MARCHF1: variants seen among roughly 807,000 people sequenced by gnomAD.
MARCHF1 encodes the protein membrane associated ring-CH-type finger 1.
Under a neutral mutation model 54.2 loss-of-function variants are expected in MARCHF1, and 40 were observed. The observed-to-expected ratio is 0.74, with a 90% confidence interval of 0.57 to 0.96. The LOEUF is 0.96. MARCHF1 is among the 40% of genes least tolerant of loss of function. The probability of loss-of-function intolerance (pLI) is 0.00; values close to 1 mark genes in which losing one functional copy is unlikely to be tolerated. For missense variants in MARCHF1, 586 were observed against 656.5 expected (o/e 0.89, Z 1.17); for synonymous variants, 236 against 236.3 (o/e 1.00, Z 0.01).
chr4:163,803,298 T>C (rs1051148923), intron 4 of MARCHF1, among the ~76,000 whole-genome samples: 5 of 152,042 alleles, frequency 3.3e-5, no homozygotes, highest in African/African-American at 1.2e-4. Flanking sequence ...CTCAACCTCT[T>C]GAGTAGCTGG....
At chr4:164,054,001 G>C (rs1045697104) in intron 2 of MARCHF1, among the ~76,000 whole-genome samples, 5 of 151,868 alleles carry the variant, frequency 3.3e-5, no homozygotes, top group African/African-American at 1.2e-4. Context: ...TACAACATGG[G>C]AGAAAATTTT....
chr4:164,306,012 A>T (rs1579706108), intron 1 of MARCHF1, among the ~76,000 whole-genome samples: 1 of 152,160 alleles, frequency 6.6e-6, no homozygotes, highest in East Asian at 1.9e-4. Context: ...GTTGTCACTG[A>T]TTGTTACGAA....
chr4:164,044,528 A>G (rs2111027802), intron 2 of MARCHF1, among the ~76,000 whole-genome samples: 1 of 152,268 alleles, frequency 6.6e-6, no homozygotes, highest in Middle Eastern at 3.4e-3. Flanking sequence ...CCAATTCGAC[A>G]TGAGATTTGG....
intron 1 of MARCHF1, among the ~76,000 whole-genome samples, chr4:164,290,106 C>A (rs931608302): frequency 2.0e-5 from 3 of 151,800 alleles, no homozygotes; most frequent in African/African-American, 7.2e-5. Context: ...TAATAGCATT[C>A]AACATTGAGT....
chr4:163,602,589 C>T (rs946410018), intron 7 of MARCHF1, among the ~76,000 whole-genome samples: 2 of 152,050 alleles, frequency 1.3e-5, no homozygotes, highest in Non-Finnish European at 2.9e-5. Flanking sequence ...TTAAAATCAA[C>T]AGGAGAATGG....
rs945587835 is a variant in MARCHF1 at position 164,119,540 on chromosome 4, G to A, written c.-322-7878C>T. ...AAAGTAAAGATAACACAAAAATTGA[G>A]GTTAAAAATTTTAAAGATTAATAAT... is the stretch of plus-strand genomic sequence containing the variant. On this transcript the variant is annotated intron_variant, in intron 1 of 9. Transcript: ENST00000514618. 1.1e-4 allele frequency among the ~76,000 whole-genome samples: 17 copies of A among 151,246 alleles called. 1 individual carries two copies. The highest frequency in any genetic ancestry group is 1.8e-4 in the Non-Finnish European group (12 of 67,692).
At chr4:164,354,131 A>T (rs1215218296) in intron 1 of MARCHF1, among the ~76,000 whole-genome samples, 2 of 96,480 alleles carry the variant, frequency 2.1e-5, no homozygotes, top group African/African-American at 3.7e-5. Flanking sequence ...ATAGTTTACC[A>T]ACCAAAAAGA....
chr4:163,639,976 T>C (rs1742494947), intron 5 of MARCHF1, among the ~76,000 whole-genome samples: 1 of 152,130 alleles, frequency 6.6e-6, no homozygotes, highest in Non-Finnish European at 1.5e-5. Context: ...ATCCATGCCC[T>C]CATCTCACAG....
At chr4:164,145,014 C>T (rs1352536817) in intron 1 of MARCHF1, among the ~76,000 whole-genome samples, 1 of 132,976 alleles carries the variant, frequency 7.5e-6, no homozygotes, top group Admixed American at 7.9e-5. Context: ...CACAGAAATA[C>T]GAACTACCGT....
At chr4:164,026,131 T>C (rs1322316700) in intron 2 of MARCHF1, among the ~76,000 whole-genome samples, 2 of 152,022 alleles carry the variant, frequency 1.3e-5, no homozygotes, top group Non-Finnish European at 2.9e-5. Context: ...ACAAGATGGA[T>C]TCACAGCCAA....
intron 7 of MARCHF1, among the ~76,000 whole-genome samples, chr4:163,600,204 A>C (rs1740917535): frequency 1.3e-5 from 2 of 151,936 alleles, no homozygotes; most frequent in South Asian, 4.1e-4. Context: ...ATTTATACAC[A>C]CATATTTTAT....
At chr4:164,286,336 GCAT>G (rs967924071) in intron 1 of MARCHF1, among the ~76,000 whole-genome samples, 25 of 152,046 alleles carry the variant, frequency 1.6e-4, no homozygotes, top group African/African-American at 6.0e-4. Flanking sequence ...TCAATGAATT[GCAT>G]CATATTTTTA....
At chr4:164,045,927 A>G (rs1165534226) in intron 2 of MARCHF1, among the ~76,000 whole-genome samples, 1 of 152,202 alleles carries the variant, frequency 6.6e-6, no homozygotes, top group Non-Finnish European at 1.5e-5. Context: ...CCTGTTCTCA[A>G]GCAAATAAGT....
intron 2 of MARCHF1, among the ~76,000 whole-genome samples, chr4:164,071,997 T>G (rs755643628): frequency 1.3e-5 from 2 of 151,896 alleles, no homozygotes; most frequent in Non-Finnish European, 2.9e-5. Context: ...GCCAATAATA[T>G]GACTATGCAT....
chr4:163,562,013 C>T (rs1225687740), intron 8 of MARCHF1, among the ~76,000 whole-genome samples: 1 of 152,080 alleles, frequency 6.6e-6, no homozygotes, highest in Non-Finnish European at 1.5e-5. Flanking sequence ...AACAACACTC[C>T]AGGCCAGGAG....
At chr4:164,261,607 T>C (rs1479550013) in intron 1 of MARCHF1, among the ~76,000 whole-genome samples, 1 of 152,162 alleles carries the variant, frequency 6.6e-6, no homozygotes, top group Non-Finnish European at 1.5e-5. Flanking sequence ...ATCCTGAGGT[T>C]ACATCTTAAA....
intron 2 of MARCHF1, among the ~76,000 whole-genome samples, chr4:164,078,379 G>A (rs982133740): frequency 6.6e-6 from 1 of 152,118 alleles, no homozygotes; most frequent in Admixed American, 6.5e-5. Flanking sequence ...GGTCTGCAGG[G>A]AGTTGGGGGT....
At chr4:163,981,938 C>A (rs772213418) in intron 3 of MARCHF1, among the ~76,000 whole-genome samples, 1 of 152,152 alleles carries the variant, frequency 6.6e-6, no homozygotes, top group African/African-American at 2.4e-5. Context: ...AATCTACCTG[C>A]CTAATTGAGG....
chr4:163,561,682 A>C lies in MARCHF1; in HGVS notation c.1192-15939T>G, dbSNP rs150798981. Among the ~76,000 whole-genome samples the C allele has an allele frequency of 3.0e-3, 457 of 152,310 alleles. 3 individuals are homozygous for C. Among genetic ancestry groups the C allele is most frequent in the African/African-American group, 0.01 (428 of 41,574 alleles). Reference sequence around the variant, plus strand: ...AAATGTGAAAAAGGATGGAGGAAGAAGATAAAACCACATCCATGCTGGGAA... The same window carrying C: ...AAATGTGAAAAAGGATGGAGGAAGACGATAAAACCACATCCATGCTGGGAA... On this transcript the variant is annotated intron_variant, in intron 8 of 9. Transcript: ENST00000514618.
Sources: gnomAD v4.1 joint callset for allele counts (sites outside exome capture counted in the v4.1 genomes callset) on GRCh38, gnomAD v4.1.1 for gene constraint, MANE v1.5 for transcripts, NCBI Gene and HGNC (gene_info 2026-07-23, HGNC 2026-07-21) for gene names.